The following NUAK1 variants were observed in gnomAD, a reference collection of about 807,000 sequenced individuals.
NUAK1 encodes NUAK family SNF1-like kinase 1.
Under a neutral mutation model 56.9 loss-of-function variants are expected in NUAK1, and 26 were observed. The ratio of observed to expected loss-of-function variants is 0.46; its 90% CI spans 0.33 to 0.63. The LOEUF (loss-of-function observed/expected upper bound fraction) is 0.63, where lower values mean the gene tolerates loss of function less well. Ranked by LOEUF, NUAK1 falls within the 30% of genes least tolerant of loss-of-function variation. The pLI is 0.02. For synonymous variants in NUAK1, 337 were observed against 336.0 expected, an observed-to-expected ratio of 1.00 and a Z score of -0.03; for missense variants, 727 against 876.1, an observed-to-expected ratio of 0.83 and a Z score of 2.15.
chr12:106,101,343 G>A (rs970989345), intron 2 of NUAK1, among the ~76,000 whole-genome samples: 4 of 152,246 alleles, frequency 2.6e-5, no homozygotes, highest in South Asian at 4.1e-4. Context: ...GTGATGAGCT[G>A]AACTGCATCC....
intron 1 of NUAK1, among the ~76,000 whole-genome samples, chr12:106,111,660 T>C (rs1019558362): frequency 6.7e-5 from 10 of 150,306 alleles, no homozygotes; most frequent in African/African-American, 2.5e-4. Context: ...TCCAGCAAGG[T>C]CCCAGGTGAT....
At chr12:106,113,432 C>A (rs767706527) in intron 1 of NUAK1, among the ~76,000 whole-genome samples, 1 of 151,958 alleles carries the variant, frequency 6.6e-6, no homozygotes, top group Non-Finnish European at 1.5e-5. Context: ...GCCTCCGATC[C>A]CCTGGTTAGG....
chr12:106,101,821 T>C (rs58623349), intron 2 of NUAK1, among the ~76,000 whole-genome samples: 1 of 152,338 alleles, frequency 6.6e-6, no homozygotes, highest in East Asian at 1.9e-4. Context: ...GGGAGGCCTT[T>C]GTAAACTATG....
At chr12:106,101,051 G>A (rs935083440) in intron 2 of NUAK1, among the ~76,000 whole-genome samples, 1 of 152,210 alleles carries the variant, frequency 6.6e-6, no homozygotes, top group African/African-American at 2.4e-5. Context: ...CTTCCAGAGA[G>A]AAGGTTCCCC....
Position 106,064,071 on chromosome 12 carries a change from C to T in NUAK1, c.*2731G>A, listed in dbSNP as rs114057157. 0.026 allele frequency: 3,908 copies of T among 152,702 alleles called. 81 individuals are homozygous for T. The highest frequency in any genetic ancestry group is 0.083 in the South Asian group (399 of 4,822). The allele number at this position is 152,702 out of a possible 1,614,324, so 9.5% of individuals were successfully genotyped here. On this transcript the variant is annotated 3_prime_UTR_variant, in exon 7 of 7. Transcript: ENST00000261402. Reference sequence around the variant, plus strand: ...AGGCCCACAGAAGTAAGGAGAGGACCAGGAAAGCTGACAGTGAATCTCCTG... The same window carrying T: ...AGGCCCACAGAAGTAAGGAGAGGACTAGGAAAGCTGACAGTGAATCTCCTG...
intron 1 of NUAK1, among the ~76,000 whole-genome samples, chr12:106,131,878 G>A (rs1313918179): frequency 4.6e-5 from 7 of 152,150 alleles, no homozygotes; most frequent in East Asian, 1.9e-4. Flanking sequence ...CTCCATTCAC[G>A]GTGGGTCATC....
intron 2 of NUAK1, among the ~76,000 whole-genome samples, chr12:106,098,045 G>A (rs1483992605): frequency 5.3e-5 from 8 of 152,144 alleles, no homozygotes; most frequent in East Asian, 3.9e-4. Context: ...GGCTGGGGGC[G>A]ATGCCGTGTA....
chr12:106,090,690 G>A (rs1157110613), intron 2 of NUAK1, among the ~76,000 whole-genome samples: 3 of 152,170 alleles, frequency 2.0e-5, no homozygotes, highest in Non-Finnish European at 1.5e-5. Flanking sequence ...AGTCCAATGA[G>A]ACTAGTAATT....
chr12:106,123,035 T>C (rs905998810), intron 1 of NUAK1, among the ~76,000 whole-genome samples: 3 of 152,248 alleles, frequency 2.0e-5, no homozygotes, highest in South Asian at 4.1e-4. Flanking sequence ...TAGAAGTATT[T>C]GTTCCATTTG....
chr12:106,067,302 C>T lies in NUAK1; in HGVS notation c.1486G>A (p.Val496Met). Residue 496 changes from valine to methionine, a missense_variant, in exon 7 of 7, where the codon GTG becomes ATG. Physicochemically the swap from Val to Met is conservative, Grantham distance 21 (BLOSUM62 1). Transcript: ENST00000261402. This position sits in a 1 kb window ranked among gnomAD's most constrained non-coding sequence, Gnocchi z 6.0. Reference protein sequence around the residue: ...ESSELLDSNDVMGSSIPSPSP... With the variant: ...ESSELLDSNDMMGSSIPSPSP... ...GGGGAGGGGATGCTGCTGCCCATCACATCATTACTGTCCAACAGCTCCGAA... is the reference window on the plus strand; with the variant it reads ...GGGGAGGGGATGCTGCTGCCCATCATATCATTACTGTCCAACAGCTCCGAA... 1.2e-6 allele frequency: 2 copies of T among 1,614,164 alleles called. No individual in the cohort carries two copies. The highest frequency in any genetic ancestry group is 2.2e-5 in the South Asian group (2 of 91,080).
At chr12:106,109,977 G>C (rs1248589153) in intron 1 of NUAK1, among the ~76,000 whole-genome samples, 7 of 152,138 alleles carry the variant, frequency 4.6e-5, no homozygotes, top group Admixed American at 4.6e-4. Context: ...AGTGAGTGGA[G>C]GTCTTAGGGA....
At chr12:106,102,384 T>C (rs562607584) in intron 2 of NUAK1, among the ~76,000 whole-genome samples, 1 of 152,236 alleles carries the variant, frequency 6.6e-6, no homozygotes, top group Non-Finnish European at 1.5e-5. Context: ...TCTGCAGCTA[T>C]GCTGTCCCAT....
At chr12:106,094,766 A>G (rs2032677271) in intron 2 of NUAK1, among the ~76,000 whole-genome samples, 1 of 152,234 alleles carries the variant, frequency 6.6e-6, no homozygotes, top group Non-Finnish European at 1.5e-5. Context: ...AGAAATGGTA[A>G]GAAAGTGTAG....
chr12:106,111,841 T>C (rs2032862048), intron 1 of NUAK1, among the ~76,000 whole-genome samples: 1 of 150,722 alleles, frequency 6.6e-6, no homozygotes, highest in African/African-American at 2.5e-5. Flanking sequence ...TACAATCCTA[T>C]TTTACAGATG....
intron 2 of NUAK1, chr12:106,103,516 C>T (rs1215632831): frequency 6.6e-6 from 1 of 152,174 alleles, no homozygotes; most frequent in Non-Finnish European, 1.5e-5. Context: ...ATCTTATCAG[C>T]CTGGAATTCT....
intron 1 of NUAK1, among the ~76,000 whole-genome samples, chr12:106,123,400 G>GA (rs1462866395): frequency 1.3e-5 from 2 of 152,194 alleles, no homozygotes; most frequent in Admixed American, 1.3e-4. Context: ...CTGGGCACTT[G>GA]AAATGTGGCT....
chr12:106,086,649 G>T, intron 3 of NUAK1, 85 bp downstream of exon 3: 1 of 1,409,284 alleles, frequency 7.1e-7, no homozygotes, highest in South Asian at 1.4e-5. Flanking sequence ...CCCATGAACA[G>T]ATATCACTTT....
chr12:106,068,211 A>G (rs1296691285), intron 6 of NUAK1, among the ~76,000 whole-genome samples: 1 of 152,242 alleles, frequency 6.6e-6, no homozygotes, highest in Non-Finnish European at 1.5e-5. Flanking sequence ...AGAAAATGTC[A>G]TAGAACTACT....
chr12:106,096,738 G>A (rs138262149), intron 2 of NUAK1, among the ~76,000 whole-genome samples: 398 of 152,288 alleles, frequency 2.6e-3, no homozygotes, highest in Non-Finnish European at 3.7e-3. Context: ...GGTGACCGCC[G>A]CCAGACACAC....
Sources: gnomAD v4.1 joint callset for allele counts (sites outside exome capture counted in the v4.1 genomes callset) on GRCh38, gnomAD v4.1.1 for gene constraint, Gnocchi (gnomAD v3.1) non-coding constraint, MANE v1.5 for transcripts, NCBI Gene and HGNC (gene_info 2026-07-23, HGNC 2026-07-21) for gene names.